Variants in XPO7 observed in about 807,000 individuals in gnomAD.
The protein encoded by XPO7 is exportin 7.
XPO7 carries 21 observed loss-of-function variants against 144.3 expected under a neutral mutation model. The observed-to-expected ratio is 0.15, with a 90% CI of 0.10 to 0.21. The LOEUF is 0.21. Among genes scored for constraint, XPO7 ranks in the 10% least tolerant of loss-of-function variants. XPO7 has a pLI of 1.00. For synonymous variants in XPO7, 580 were observed against 499.6 expected (o/e 1.16, Z -2.15); for missense variants, 808 against 1,325.8 (o/e 0.61, Z 6.06).
At chr8:21,991,015 T>G in intron 18 of XPO7, 96 bp downstream of exon 18, 1 of 1,131,644 alleles carries the variant, frequency 8.8e-7, no homozygotes, top group Non-Finnish European at 1.3e-6. Flanking sequence ...AGGCCTTTTC[T>G]GTTTTTTCAA....
At chr8:21,925,756 T>A (rs967085482) in intron 1 of XPO7, among the ~76,000 whole-genome samples, 1 of 152,226 alleles carries the variant, frequency 6.6e-6, no homozygotes, top group African/African-American at 2.4e-5. Flanking sequence ...GATTTCCAGT[T>A]GTCATCCTTG....
rs375170546 is a variant in XPO7 at position 21,984,805 on chromosome 8, C to T, written c.1437C>T (p.Ala479=). ...AQSYQELLQS[A]SASPMDIAVQ... ...CGTACCAGGAGCTGCTACAGAGCGC[C>T]AGCGCAAGCCCAATGGACATTGCAG... Residue 479 remains alanine (A), a synonymous_variant, in exon 12 of 28, where the codon GCC becomes GCT. Coordinates refer to ENST00000252512, the MANE Select transcript of XPO7 (RefSeq NM_015024.5). 3 of 1,613,876 alleles carry T rather than the reference C, an allele frequency of 1.9e-6. No individual in the cohort carries two copies. Among genetic ancestry groups the T allele is most frequent in the South Asian group, 2.2e-5 (2 of 91,082 alleles).
At chr8:21,948,240 G>C (rs1466877828) in intron 1 of XPO7, among the ~76,000 whole-genome samples, 1 of 152,204 alleles carries the variant, frequency 6.6e-6, no homozygotes, top group Non-Finnish European at 1.5e-5. Context: ...GGTCACGTAA[G>C]ATTATAATGT....
intron 2 of XPO7, 102 bp downstream of exon 2, chr8:21,967,105 T>G (rs1437511340): frequency 2.1e-6 from 3 of 1,432,716 alleles, no homozygotes; most frequent in Non-Finnish European, 2.8e-6. Flanking sequence ...TTCCCTGATT[T>G]TTCTAGGTGT....
chr8:21,950,009 C>T (rs1028410982), intron 1 of XPO7, among the ~76,000 whole-genome samples: 1 of 152,190 alleles, frequency 6.6e-6, no homozygotes, highest in African/African-American at 2.4e-5. Flanking sequence ...ACAGGTGTGA[C>T]ACACCGTACT....
Position 21,970,330 on chromosome 8 carries a change from TGTAATG to T in XPO7, c.426+22_426+27del, listed in dbSNP as rs1427384652. ...TTACAGGTACAGTGTATATATTTGA[TGTAATG>T]GGAATGGGAGAACCAGCATATACAT... On this transcript the variant is annotated intron_variant, in intron 4 of 27. Transcript: ENST00000252512. 1 of 1,605,718 alleles carries T rather than the reference TGTAATG, an allele frequency of 6.2e-7. No homozygotes were observed. Among genetic ancestry groups the T allele is most frequent in the Non-Finnish European group, 8.5e-7 (1 of 1,176,034 alleles).
At chr8:21,996,223 A>C (rs1477624337) in intron 21 of XPO7, among the ~76,000 whole-genome samples, 1 of 152,196 alleles carries the variant, frequency 6.6e-6, no homozygotes, top group East Asian at 1.9e-4. Flanking sequence ...CAGTAGTTCT[A>C]GATCAGCCTG....
rs369088807 is a variant in XPO7 at position 21,980,170 on chromosome 8, T to C, written c.924T>C (p.Val308=). The C allele has an allele frequency of 7.5e-5, 120 of 1,602,406 alleles. No homozygotes were observed. Among genetic ancestry groups the C allele is most frequent in the Non-Finnish European group, 9.9e-5 (116 of 1,173,874 alleles). Reference sequence around the variant, plus strand: ...GGGCCAAGTTTCTCTCTCATCTTGTTGATGGTGTTAAACGAATACTGGAAA... The same window carrying C: ...GGGCCAAGTTTCTCTCTCATCTTGTCGATGGTGTTAAACGAATACTGGAAA... ...AERAKFLSHL[V]DGVKRILENP... is the part of the protein sequence containing the mutation. The change falls in exon 9 of 28, where the codon GTT becomes GTC. Residue 308 remains valine (V), a synonymous_variant. Coordinates refer to ENST00000252512, the MANE Select transcript of XPO7 (RefSeq NM_015024.5).
intron 1 of XPO7, among the ~76,000 whole-genome samples, chr8:21,926,425 A>T (rs1204501807): frequency 6.6e-6 from 1 of 152,178 alleles, no homozygotes; most frequent in East Asian, 1.9e-4. Flanking sequence ...TTATGGTTTA[A>T]AGGGGTGTAT....
chr8:21,953,558 A>C lies in XPO7; in HGVS notation c.19-13299A>C, dbSNP rs144784906. Reference sequence around the variant, plus strand: ...CCAAGGAGCGCAATTGCTGGATCATATGGTAAGAGTATGTTTAGTTTTGTG... The same window carrying C: ...CCAAGGAGCGCAATTGCTGGATCATCTGGTAAGAGTATGTTTAGTTTTGTG... On this transcript the variant is annotated intron_variant, in intron 1 of 27. Transcript: ENST00000252512. 1.9e-3 allele frequency among the ~76,000 whole-genome samples: 290 copies of C among 152,346 alleles called. 2 individuals are homozygous for C. Among genetic ancestry groups the C allele is most frequent in the Middle Eastern group, 3.4e-3 (1 of 294 alleles).
chr8:21,924,419 C>G (rs898638377), intron 1 of XPO7, among the ~76,000 whole-genome samples: 2 of 151,980 alleles, frequency 1.3e-5, no homozygotes, highest in South Asian at 2.1e-4. Context: ...TCCCCTGATA[C>G]CATCTCAACA....
intron 10 of XPO7, 108 bp from the exon 11 acceptor site, chr8:21,982,532 C>A (rs2117360280): frequency 7.8e-7 from 1 of 1,276,544 alleles, no homozygotes. Context: ...AAAGTCTATC[C>A]TCTTTTTTTA....
At chr8:21,965,497 A>C (rs537509190) in intron 1 of XPO7, among the ~76,000 whole-genome samples, 1 of 152,352 alleles carries the variant, frequency 6.6e-6, no homozygotes, top group South Asian at 2.1e-4. Flanking sequence ...TGGAAGTCAG[A>C]AACAAGTTAA....
At chr8:21,961,858 T>G (rs1025998523) in intron 1 of XPO7, among the ~76,000 whole-genome samples, 1 of 151,732 alleles carries the variant, frequency 6.6e-6, no homozygotes, top group African/African-American at 2.4e-5. Context: ...AGACGGGGTT[T>G]CATCACGTCG....
chr8:22,004,640 G>C (rs116291827), intron 27 of XPO7, among the ~76,000 whole-genome samples: 2,401 of 152,174 alleles, frequency 0.016, 73 homozygotes, highest in African/African-American at 0.056. Flanking sequence ...GCCATATGTG[G>C]TTAGCAGCCG....
intron 1 of XPO7, chr8:21,964,354 G>A (rs1051569365): frequency 1.3e-5 from 2 of 152,110 alleles, no homozygotes; most frequent in African/African-American, 4.8e-5. Flanking sequence ...TTAGTGTGAA[G>A]TACTAGTTGT....
intron 1 of XPO7, among the ~76,000 whole-genome samples, chr8:21,961,876 C>T (rs1018896182): frequency 1.3e-5 from 2 of 152,276 alleles, no homozygotes; most frequent in South Asian, 2.1e-4. Context: ...TCGGCCATGC[C>T]GGTCTCAAAC....
intron 1 of XPO7, among the ~76,000 whole-genome samples, chr8:21,934,224 G>A (rs1224587354): frequency 6.6e-6 from 1 of 152,038 alleles, no homozygotes; most frequent in Non-Finnish European, 1.5e-5. Flanking sequence ...TTGGCCAGGT[G>A]CGGTGGCTCA....
intron 1 of XPO7, among the ~76,000 whole-genome samples, chr8:21,935,341 A>C (rs1810787726): frequency 6.6e-6 from 1 of 152,124 alleles, no homozygotes; most frequent in African/African-American, 2.4e-5. Context: ...CAAATGCATT[A>C]TTTCTTTTTA....
Sources: gnomAD v4.1 joint callset for allele counts (sites outside exome capture counted in the v4.1 genomes callset) on GRCh38, gnomAD v4.1.1 for gene constraint, MANE v1.5 for transcripts, NCBI Gene and HGNC (gene_info 2026-07-23, HGNC 2026-07-21) for gene names.